SYT14: variants seen among roughly 807,000 people sequenced by gnomAD.
The protein encoded by SYT14 is synaptotagmin 14.
In SYT14, 32 loss-of-function variants were observed where a neutral mutation model predicts 74.2. The observed-to-expected ratio is 0.43, with a 90% CI of 0.33 to 0.58. The LOEUF (loss-of-function observed/expected upper bound fraction) is 0.58, where lower values mean the gene tolerates loss of function less well. Ranked by LOEUF, SYT14 falls within the 20% of genes least tolerant of loss-of-function variation. The probability of loss-of-function intolerance (pLI) is 0.05; values close to 1 mark genes in which losing one functional copy is unlikely to be tolerated. For synonymous variants in SYT14, 298 were observed against 337.7 expected (o/e 0.88, Z 1.29); for missense variants, 791 against 981.8 (o/e 0.81, Z 2.60).
rs2079634243 is a variant in SYT14 at position 209,989,867 on chromosome 1, G to A, written c.-485-23766G>A. On this transcript the variant is annotated intron_variant, in intron 2 of 9. Coordinates refer to ENST00000637265, the Ensembl canonical transcript of SYT14. Reference sequence around the variant, plus strand: ...TGTTGCTTTAGATGTCCAAGGCGTCGTTTTTATTTAAACTCTAAGATATAT... The same window carrying A: ...TGTTGCTTTAGATGTCCAAGGCGTCATTTTTATTTAAACTCTAAGATATAT... Among the ~76,000 whole-genome samples the A allele has an allele frequency of 2.0e-5, 3 of 151,976 alleles. No individual in the cohort carries two copies. The South Asian group carries it at 6.2e-4, about 32-fold the overall frequency.
chr1:210,120,328 G>A (rs776876869), intron 7 of SYT14, among the ~76,000 whole-genome samples: 4 of 150,784 alleles, frequency 2.7e-5, no homozygotes, highest in Non-Finnish European at 5.9e-5. Flanking sequence ...ATTATTACAC[G>A]GTCTTATTAC....
Position 210,092,243 on chromosome 1 carries a change from C to T in SYT14, c.1313-2079C>T, listed in dbSNP as rs115311822. ...AGGTATTTAGTGATGTTTCAGATAC[C>T]GGGCTTTTCATTTTCCTGCTTCTGC... On this transcript the variant is annotated intron_variant, in intron 5 of 9. Transcript: ENST00000637265. 3.4e-3 allele frequency among the ~76,000 whole-genome samples: 520 copies of T among 152,116 alleles called. 2 individuals are homozygous for T. Among genetic ancestry groups the T allele is most frequent in the Admixed American group, 6.9e-3 (105 of 15,266 alleles).
chr1:210,060,725 A>C (rs1299535568), intron 5 of SYT14, among the ~76,000 whole-genome samples: 1 of 152,040 alleles, frequency 6.6e-6, no homozygotes, highest in African/African-American at 2.4e-5. Context: ...TTGCTGAGTG[A>C]GATCACATGT....
At chr1:209,945,790 A>C (rs1016479) in intron 1 of SYT14, among the ~76,000 whole-genome samples, 136,103 of 152,192 alleles carry the variant, frequency 0.89, 61,150 homozygotes, top group African/African-American at 0.97. Flanking sequence ...CTAAATTTTG[A>C]GGTTTAATTC....
intron 5 of SYT14, among the ~76,000 whole-genome samples, chr1:210,027,220 C>T (rs889957555): frequency 3.9e-5 from 6 of 152,004 alleles, no homozygotes; most frequent in Non-Finnish European, 5.9e-5. Context: ...GGGACTTGGG[C>T]GCAGTGGCTC....
At chr1:210,094,188 T>A in intron 5 of SYT14, 134 bp from the exon 5 acceptor site, 2 of 1,164,860 alleles carry the variant, frequency 1.7e-6, no homozygotes. Context: ...AAAAGAGAAG[T>A]CATTAGTAAA....
At chr1:210,025,596 GCTT>G (rs1271994157) in intron 5 of SYT14, among the ~76,000 whole-genome samples, 1 of 152,136 alleles carries the variant, frequency 6.6e-6, no homozygotes, top group East Asian at 1.9e-4. Flanking sequence ...AACAGCCAAA[GCTT>G]CTCTACTCCT....
chr1:209,980,526 C>T (rs1240252405), intron 2 of SYT14, among the ~76,000 whole-genome samples: 1 of 152,098 alleles, frequency 6.6e-6, no homozygotes, highest in Non-Finnish European at 1.5e-5. Context: ...TTTGCCGGTG[C>T]CTATATCCTG....
chr1:209,965,518 A>G (rs1294439525), intron 2 of SYT14, among the ~76,000 whole-genome samples: 1 of 152,210 alleles, frequency 6.6e-6, no homozygotes, highest in African/African-American at 2.4e-5. Flanking sequence ...TGGGATAAAC[A>G]TATAAGTGCG....
chr1:210,019,396 A>G (rs1206721626), intron 4 of SYT14, among the ~76,000 whole-genome samples: 2 of 152,158 alleles, frequency 1.3e-5, no homozygotes, highest in Admixed American at 6.5e-5. Flanking sequence ...AAAAAGTCTT[A>G]TATCTCTGCA....
At chr1:209,975,431 T>C (rs1313716596) in intron 2 of SYT14, among the ~76,000 whole-genome samples, 1 of 152,244 alleles carries the variant, frequency 6.6e-6, no homozygotes, top group Non-Finnish European at 1.5e-5. Context: ...TGTTGAATTT[T>C]GTCAAAGGCC....
At chr1:209,947,570 G>A (rs1281271384) in intron 1 of SYT14, among the ~76,000 whole-genome samples, 4 of 152,192 alleles carry the variant, frequency 2.6e-5, no homozygotes, top group Non-Finnish European at 4.4e-5. Flanking sequence ...AAACTTGAAC[G>A]GATGAGGAGT....
At chr1:210,018,159 G>C (rs962756433) in intron 4 of SYT14, among the ~76,000 whole-genome samples, 26 of 152,170 alleles carry the variant, frequency 1.7e-4, no homozygotes, top group African/African-American at 5.3e-4. Flanking sequence ...TTTTGAGACA[G>C]AGTCTTGCGC....
At chr1:210,156,695 T>C (rs1307439428) in intron 8 of SYT14, among the ~76,000 whole-genome samples, 3 of 139,260 alleles carry the variant, frequency 2.2e-5, no homozygotes, top group African/African-American at 8.5e-5. Context: ...TTTTTTTTTT[T>C]TTTTTTTTTT....
chr1:210,086,533 T>G (rs1377583448), intron 5 of SYT14, among the ~76,000 whole-genome samples: 1 of 152,220 alleles, frequency 6.6e-6, no homozygotes, highest in Admixed American at 6.5e-5. Context: ...CTCCTCACTT[T>G]CAATACACAG....
At chr1:210,059,445 T>G (rs1389016615) in intron 5 of SYT14, among the ~76,000 whole-genome samples, 4,296 of 95,830 alleles carry the variant, frequency 0.045, 107 homozygotes, top group Middle Eastern at 0.064. Flanking sequence ...TATATATATA[T>G]ATATATAGAG....
intron 6 of SYT14, among the ~76,000 whole-genome samples, chr1:210,099,333 T>C (rs1400810236): frequency 6.6e-6 from 1 of 152,226 alleles, no homozygotes; most frequent in Admixed American, 6.5e-5. Context: ...TCTTGAACTT[T>C]TAAAATGTGT....
intron 7 of SYT14, among the ~76,000 whole-genome samples, chr1:210,135,875 C>T (rs2082774788): frequency 6.6e-6 from 1 of 152,146 alleles, no homozygotes; most frequent in African/African-American, 2.4e-5. Context: ...AACTCAGTGC[C>T]CCATATATTA....
intron 7 of SYT14, among the ~76,000 whole-genome samples, chr1:210,132,593 G>GTGTGTA (rs2082699742): frequency 6.6e-6 from 1 of 151,770 alleles, no homozygotes; most frequent in African/African-American, 2.4e-5. Context: ...GTGTGTGTGT[G>GTGTGTA]TGTGTGTGTG....
Sources: allele counts gnomAD v4.1 joint callset (sites outside exome capture counted in the v4.1 genomes callset), GRCh38; gene constraint gnomAD v4.1.1; transcripts MANE v1.5; gene names NCBI Gene and HGNC (gene_info 2026-07-23, HGNC 2026-07-21).